DNAAF8: variants seen among roughly 807,000 people sequenced by gnomAD.
The protein encoded by DNAAF8 is dynein axonemal-associated protein 1.
DNAAF8 carries 61 observed loss-of-function variants against 54.6 expected under a neutral mutation model. The ratio of observed to expected loss-of-function variants is 1.12; its 90% CI spans 0.91 to 1.38. The LOEUF is 1.38. Among genes scored for constraint, DNAAF8 ranks in the 40% most tolerant of loss-of-function variants. The pLI is 0.00. For synonymous variants in DNAAF8, 320 were observed against 270.1 expected, an observed-to-expected ratio of 1.18 and a Z score of -1.81; for missense variants, 837 against 665.0, an observed-to-expected ratio of 1.26 and a Z score of -2.85.
chr16:4,744,462 C>T (rs566180013), intron 5 of DNAAF8, among the ~76,000 whole-genome samples: 6 of 151,596 alleles, frequency 4.0e-5, no homozygotes, highest in African/African-American at 9.7e-5. Context: ...CGTAGGTTAA[C>T]GTGGAAGCAT....
chr16:4,735,494 G>A (rs2081876256), intron 1 of DNAAF8, among the ~76,000 whole-genome samples: 3 of 152,084 alleles, frequency 2.0e-5, no homozygotes, highest in African/African-American at 4.8e-5. Context: ...GGCCTCTCGA[G>A]CTGCAGAGTT....
intron 4 of DNAAF8, 116 bp downstream of exon 4, chr16:4,740,775 C>T: frequency 8.0e-7 from 1 of 1,249,888 alleles, no homozygotes; most frequent in Non-Finnish European, 1.1e-6. Flanking sequence ...GACCTTAGGC[C>T]CATTATCCAC....
chr16:4,740,195 A>C lies in DNAAF8; in HGVS notation c.319A>C (p.Arg107=), dbSNP rs767988691. 1 of 1,613,930 alleles carries C rather than the reference A, an allele frequency of 6.2e-7. No homozygotes were observed. Among genetic ancestry groups the C allele is most frequent in the Admixed American group, 1.7e-5 (1 of 60,002 alleles). ...AGAATTGGCCACAGAACCTGGGTGC[A>C]GACAGAACACAAGGACAAAGGATGC... is the stretch of plus-strand genomic sequence containing the variant. ...PAELATEPGC[R]QNTRTKDASS... Residue 107 remains arginine (R), a synonymous_variant, in exon 4 of 10, where the codon AGA becomes CGA. Coordinates refer to ENST00000299320, the MANE Select transcript of DNAAF8 (RefSeq NM_139170.3).
In DNAAF8 at chr16:4,740,245, T is replaced by C; in HGVS notation, c.369T>C (p.Pro123=). 1 of 1,614,058 alleles carries C rather than the reference T, an allele frequency of 6.2e-7. No individual in the cohort carries two copies. The highest frequency in any genetic ancestry group is 8.5e-7 in the Non-Finnish European group (1 of 1,179,982). Reference sequence around the variant, plus strand: ...CATCCTCTCAGGAAGGAAGAGACCCTGGCAGGCCTTTTGAAAGCTCTGGTG... The same window carrying C: ...CATCCTCTCAGGAAGGAAGAGACCCCGGCAGGCCTTTTGAAAGCTCTGGTG... ...KDASSQEGRD[P]GRPFESSGEV... Residue 123 remains proline (P), a synonymous_variant, in exon 4 of 10, where the codon CCT becomes CCC. Transcript: ENST00000299320.
chr16:4,738,187 C>A (rs2081919353), intron 3 of DNAAF8, among the ~76,000 whole-genome samples: 1 of 152,094 alleles, frequency 6.6e-6, no homozygotes, highest in East Asian at 1.9e-4. Flanking sequence ...GATTTTGACC[C>A]TTCTCTTCTT....
At chr16:4,737,666 C>T in intron 2 of DNAAF8, 134 bp from the exon 3 acceptor site, 1 of 1,136,408 alleles carries the variant, frequency 8.8e-7, no homozygotes, top group Non-Finnish European at 1.3e-6. Context: ...TCCTGAGCAG[C>T]AGGGCTGGAC....
chr16:4,736,294 C>G (rs1049233732), intron 1 of DNAAF8, among the ~76,000 whole-genome samples, 170 bp from the exon 2 acceptor site: 1 of 99,250 alleles, frequency 1.0e-5, no homozygotes, highest in Admixed American at 9.4e-5. Context: ...CACACACACA[C>G]GTACACACAC....
rs2082017515 is a variant in DNAAF8, at chr16:4,746,365, C to G, written c.1044-10C>G. 4.4e-6 allele frequency: 7 copies of G among 1,608,152 alleles called. No individual in the cohort carries two copies. Among genetic ancestry groups the G allele is most frequent in the Non-Finnish European group, 5.9e-6 (7 of 1,177,590 alleles). On this transcript the variant is annotated splice_polypyrimidine_tract_variant and intron_variant, in intron 6 of 9. Coordinates refer to ENST00000299320, the MANE Select transcript of DNAAF8 (RefSeq NM_139170.3). ...AACTGACTCCACAACACCTGCTTTT[C>G]TCATTTCAGATGTGCCTCAAGGAAG...
chr16:4,737,869 G>A lies in DNAAF8; in HGVS notation c.199G>A (p.Glu67Lys). The A allele has an allele frequency of 6.2e-7, 1 of 1,614,202 alleles. No individual in the cohort carries two copies. The highest frequency in any genetic ancestry group is 1.1e-5 in the South Asian group (1 of 91,080). The part of the protein sequence containing the change: ...NQTSLIPDLS[E>K]ELAEDPADGD... ...AACCTCCCTGATTCCAGACCTGTCG[G>A]AGGAGCTGGCTGAAGATCCTGCCGA... The change falls in exon 3 of 10, where the codon GAG (glutamate) becomes AAG (lysine). Residue 67 changes from glutamate (E) to lysine (K), a missense_variant. Physicochemically the swap from Glu to Lys is moderately conservative, Grantham distance 56. Coordinates refer to ENST00000299320, the MANE Select transcript of DNAAF8 (RefSeq NM_139170.3).
chr16:4,737,385 A>G (rs984474238), intron 2 of DNAAF8, among the ~76,000 whole-genome samples: 2 of 152,116 alleles, frequency 1.3e-5, no homozygotes, highest in African/African-American at 4.8e-5. Context: ...ATGAGCCCCA[A>G]CCCCTTCAAG....
intron 4 of DNAAF8, among the ~76,000 whole-genome samples, chr16:4,742,152 C>G (rs1032789355): frequency 2.0e-5 from 3 of 152,350 alleles, no homozygotes; most frequent in Non-Finnish European, 4.4e-5. Flanking sequence ...CACTGCCAAG[C>G]CTTCCAGTTT....
intron 5 of DNAAF8, among the ~76,000 whole-genome samples, chr16:4,744,033 G>A (rs1250904208): frequency 1.3e-5 from 2 of 149,776 alleles, no homozygotes; most frequent in East Asian, 3.9e-4. Flanking sequence ...GGGTTCAAGC[G>A]ATTCTCCTGC....
chr16:4,738,031 C>A, intron 3 of DNAAF8, 85 bp downstream of exon 3: 1 of 1,451,334 alleles, frequency 6.9e-7, no homozygotes, highest in Non-Finnish European at 9.4e-7. Flanking sequence ...TCTAGCATTT[C>A]CACGATATGC....
At chr16:4,747,130 A>G in intron 8 of DNAAF8, 105 bp downstream of exon 8, 1 of 1,248,192 alleles carries the variant, frequency 8.0e-7, no homozygotes, top group Non-Finnish European at 1.1e-6. Context: ...GTCTTGCTGC[A>G]CCCACCGCAC....
At chr16:4,741,233 CAAAAAA>C (rs756159698) in intron 4 of DNAAF8, among the ~76,000 whole-genome samples, 1 of 70,802 alleles carries the variant, frequency 1.4e-5, no homozygotes, top group African/African-American at 4.6e-5. Context: ...GACTCCATCT[CAAAAAA>C]AAAAAAAAAG....
At position 4,747,566 on chromosome 16, in the gene DNAAF8, G is replaced by C; in HGVS notation, c.1504G>C (p.Asp502His). The C allele has an allele frequency of 1.2e-6, 2 of 1,611,834 alleles. No individual in the cohort carries two copies. Among genetic ancestry groups the C allele is most frequent in the Non-Finnish European group, 1.7e-6 (2 of 1,179,608 alleles). ...AAGAGGCAGGCCCAGAGCCCTGGGG[G>C]ATGTTCCTGAGCCAGGGGCAGCCAG... ...LPRGRPRALG[D>H]VPEPGAAREA... The change falls in exon 9 of 10, where the codon GAT (aspartate) becomes CAT (histidine). Residue 502 changes from aspartate (D) to histidine (H), a missense_variant. Asp to His is a moderately conservative substitution (Grantham distance 81). Transcript: ENST00000299320.
At chr16:4,738,023 T>C (rs1234684435) in intron 3 of DNAAF8, 77 bp downstream of exon 3, 1 of 1,492,300 alleles carries the variant, frequency 6.7e-7, no homozygotes, top group Admixed American at 2.0e-5. Flanking sequence ...ACCACTGTTC[T>C]AGCATTTCCA....
intron 7 of DNAAF8, 132 bp from the exon 8 acceptor site, chr16:4,746,795 C>T (rs2082022822): frequency 1.1e-6 from 1 of 874,362 alleles, no homozygotes; most frequent in Non-Finnish European, 1.7e-6. Context: ...GGCAGGACGT[C>T]CACCGGCCTC....
intron 1 of DNAAF8, chr16:4,734,983 C>T (rs1301587123): frequency 2.0e-5 from 3 of 152,232 alleles, no homozygotes; most frequent in African/African-American, 4.8e-5. Context: ...GGCCGTTATT[C>T]AGAGGCGGCT....
Sources: gnomAD v4.1 joint callset for allele counts (sites outside exome capture counted in the v4.1 genomes callset) on GRCh38, gnomAD v4.1.1 for gene constraint, MANE v1.5 for transcripts, NCBI Gene and HGNC (gene_info 2026-07-23, HGNC 2026-07-21) for gene names.